Variants in PACRG observed in about 807,000 individuals in gnomAD.
The protein encoded by PACRG is parkin coregulated gene protein.
In PACRG, 29 loss-of-function variants were observed where a neutral mutation model predicts 29.7. The observed-to-expected ratio is 0.98, with a 90% CI of 0.73 to 1.33. The LOEUF is 1.33. Among genes scored for constraint, PACRG ranks in the 40% most tolerant of loss-of-function variants. The pLI is 0.00. For missense variants in PACRG, 279 were observed against 316.2 expected (o/e 0.88, Z 0.89); for synonymous variants, 116 against 118.7 (o/e 0.98, Z 0.15).
At chr6:162,746,789 A>G (rs1348675660) in intron 1 of PACRG, among the ~76,000 whole-genome samples, 1 of 152,190 alleles carries the variant, frequency 6.6e-6, no homozygotes, top group East Asian at 1.9e-4. Context: ...CAGAATGTCC[A>G]TCCCCTGTTT....
At chr6:162,776,416 C>A (rs963492807) in intron 1 of PACRG, among the ~76,000 whole-genome samples, 4 of 152,200 alleles carry the variant, frequency 2.6e-5, no homozygotes, top group Admixed American at 6.5e-5. Context: ...AGACTCCAGA[C>A]CCTCACTGTC....
upstream of PACRG, chr6:162,727,605 G>T (rs1022815802): frequency 6.5e-7 from 1 of 1,543,282 alleles, no homozygotes; most frequent in Non-Finnish European, 8.8e-7. Flanking sequence ...GGGGCGTGGC[G>T]CCATACCGGG....
intron 1 of PACRG, among the ~76,000 whole-genome samples, chr6:162,809,684 AG>A (rs1786666010): frequency 6.6e-6 from 1 of 152,174 alleles, no homozygotes; most frequent in South Asian, 2.1e-4. Flanking sequence ...CAAAGACAAA[AG>A]GGGGAAAGAT....
chr6:162,897,253 C>T (rs567579363), intron 2 of PACRG, among the ~76,000 whole-genome samples: 1 of 152,304 alleles, frequency 6.6e-6, no homozygotes, highest in Admixed American at 6.5e-5. Context: ...AACTTCAGTA[C>T]TAAAAGAGAA....
chr6:163,002,706 G>C (rs1284671601), intron 2 of PACRG, among the ~76,000 whole-genome samples: 1 of 152,146 alleles, frequency 6.6e-6, no homozygotes, highest in East Asian at 1.9e-4. Flanking sequence ...CAAATGACTA[G>C]AGGAAAAGAT....
intron 2 of PACRG, among the ~76,000 whole-genome samples, chr6:163,061,749 C>T (rs903970842): frequency 2.0e-5 from 3 of 152,188 alleles, no homozygotes; most frequent in African/African-American, 7.2e-5. Flanking sequence ...ACCTTGGGCA[C>T]CAATCTTTTT....
chr6:163,094,399 C>T (rs971036395), intron 4 of PACRG, among the ~76,000 whole-genome samples: 2 of 152,108 alleles, frequency 1.3e-5, no homozygotes, highest in Admixed American at 1.3e-4. Context: ...GAACTACTGC[C>T]CCCCACATTT....
At chr6:163,192,559 T>G (rs1443317582) in intron 4 of PACRG, among the ~76,000 whole-genome samples, 1 of 152,252 alleles carries the variant, frequency 6.6e-6, no homozygotes, top group East Asian at 1.9e-4. Context: ...TTATCAACCA[T>G]AAAAATGTCT....
chr6:163,136,073 C>G (rs752647098), intron 4 of PACRG, among the ~76,000 whole-genome samples: 2 of 152,122 alleles, frequency 1.3e-5, no homozygotes, highest in African/African-American at 4.8e-5. Flanking sequence ...TTTATTCGGT[C>G]TTTTACAAAA....
At chr6:162,912,932 A>C (rs943100201) in intron 2 of PACRG, among the ~76,000 whole-genome samples, 4 of 152,096 alleles carry the variant, frequency 2.6e-5, no homozygotes, top group Admixed American at 2.6e-4. Flanking sequence ...CAAAAAAAAA[A>C]AAAACAAAAT....
intron 1 of PACRG, among the ~76,000 whole-genome samples, chr6:162,781,431 C>T (rs2128313928): frequency 6.6e-6 from 1 of 151,930 alleles, no homozygotes. Flanking sequence ...TGTGTCTACA[C>T]AGAGGAAAGA....
At chr6:163,066,380 A>C (rs565980) in intron 3 of PACRG, among the ~76,000 whole-genome samples, 151,624 of 152,298 alleles carry the variant, frequency 1, 75,478 homozygotes, top group East Asian at 1. Flanking sequence ...CAGAAGGTGA[A>C]TGGGGCTGTG....
intron 2 of PACRG, among the ~76,000 whole-genome samples, chr6:162,886,213 GCC>G (rs1794321807): frequency 6.6e-6 from 1 of 152,072 alleles, no homozygotes; most frequent in Non-Finnish European, 1.5e-5. Flanking sequence ...ATGAGCCATT[GCC>G]CCCGGGCTTG....
chr6:162,862,272 G>A (rs181302441), intron 2 of PACRG, among the ~76,000 whole-genome samples: 5 of 152,254 alleles, frequency 3.3e-5, no homozygotes, highest in South Asian at 4.1e-4. Flanking sequence ...TTATAGGGGC[G>A]AAGGAGAAAG....
chr6:163,089,039 A>T (rs1813854595), intron 3 of PACRG, among the ~76,000 whole-genome samples: 1 of 152,156 alleles, frequency 6.6e-6, no homozygotes, highest in Non-Finnish European at 1.5e-5. Flanking sequence ...GCTGGTGAGA[A>T]ATCAGTGCCA....
intron 4 of PACRG, among the ~76,000 whole-genome samples, chr6:163,122,295 A>ACAC (rs1482343249): frequency 6.6e-6 from 1 of 152,090 alleles, no homozygotes; most frequent in Non-Finnish European, 1.5e-5. Context: ...TTACACACAC[A>ACAC]CACACACACT....
chr6:162,803,236 G>A (rs1344803953), intron 1 of PACRG, among the ~76,000 whole-genome samples: 1 of 152,152 alleles, frequency 6.6e-6, no homozygotes, highest in Non-Finnish European at 1.5e-5. Flanking sequence ...AAAAGAGTGA[G>A]GGCACGAGGG....
rs1294826040 is a variant in PACRG, at chr6:162,912,936, A to C, written c.291+98655A>C. ...AAACAAACAAACAAAAAAAAAAAAA[A>C]CAAAATTGGATTGGAAAGCTACCAT... On this transcript the variant is annotated intron_variant, in intron 2 of 4. Transcript: ENST00000366888. Among the ~76,000 whole-genome samples the C allele has an allele frequency of 3.9e-5, 6 of 152,018 alleles. No individual in the cohort carries two copies. The East Asian group carries it at 1.2e-3, about 29-fold the overall frequency.
intron 2 of PACRG, among the ~76,000 whole-genome samples, chr6:162,843,392 G>T (rs1171403501): frequency 3.3e-5 from 5 of 150,220 alleles, no homozygotes; most frequent in Admixed American, 3.3e-4. Context: ...GATCGCATTG[G>T]CTCCTGAGGC....
Sources: gnomAD v4.1 joint callset for allele counts (sites outside exome capture counted in the v4.1 genomes callset) on GRCh38, gnomAD v4.1.1 for gene constraint, MANE v1.5 for transcripts, NCBI Gene and HGNC (gene_info 2026-07-23, HGNC 2026-07-21) for gene names.